PXN: variants seen among roughly 807,000 people sequenced by gnomAD.
PXN encodes paxillin.
A neutral mutation model predicts 103.6 loss-of-function variants in PXN; 61 were observed. The ratio of observed to expected loss-of-function variants is 0.59; its 90% confidence interval spans 0.48 to 0.73. PXN has a LOEUF of 0.73. Ranked by LOEUF, PXN falls within the 30% of genes least tolerant of loss-of-function variation. PXN has a pLI of 0.00. For synonymous variants in PXN, 562 were observed against 607.8 expected (o/e 0.92, Z 1.11); for missense variants, 1,274 against 1,460.3 (o/e 0.87, Z 2.08).
chr12:120,210,773 GT>G lies in PXN; in HGVS notation c.*1540del, dbSNP rs1464559950. The G allele has an allele frequency of 1.3e-5, 2 of 152,666 alleles. No individual in the cohort carries two copies. Among genetic ancestry groups the G allele is most frequent in the African/African-American group, 4.8e-5 (2 of 41,460 alleles). The allele number at this position is 152,666 out of a possible 1,614,324, so 9.5% of individuals were successfully genotyped here. On this transcript the variant is annotated 3_prime_UTR_variant, in exon 15 of 15. Transcript: ENST00000637617. ...GGAGGCCAGTGGAGTGGTTTGGACT[GT>G]CACCATTAGACCCCGGTGGGGCCCC... is the stretch of plus-strand genomic sequence containing the variant.
At position 120,217,161 on chromosome 12, in the gene PXN, TTGCACAACGC is replaced by T; in HGVS notation, c.1717-55_1717-46del. The T allele has an allele frequency of 6.9e-7, 1 of 1,459,458 alleles. No homozygotes were observed. Among genetic ancestry groups the T allele is most frequent in the Non-Finnish European group, 9.3e-7 (1 of 1,072,944 alleles). 90.4% of individuals were successfully genotyped at this position (1,459,458 alleles called of 1,614,324 possible). ...AGGCTGTCACCGTCCCACTCCCAGC[TTGCACAACGC>T]TGCTCAGGCCACACTCAGATGCCTC... On this transcript the variant is annotated intron_variant, in intron 7 of 14. Transcript: ENST00000637617. The surrounding 1 kb of genome is among the most constrained non-coding windows in gnomAD (Gnocchi z 4.1).
chr12:120,226,945 A>C, intron 1 of PXN: 2 of 990,912 alleles, frequency 2.0e-6, no homozygotes, highest in Non-Finnish European at 2.4e-6. Flanking sequence ...CTGCAGGAGG[A>C]AGCTCCATAG....
rs1176618108 is a variant in PXN, at chr12:120,265,454, G to T, written c.13+163C>A. Among the ~76,000 whole-genome samples, 3 of 151,962 alleles carry T rather than the reference G, an allele frequency of 2.0e-5. No individual in the cohort carries two copies. Among genetic ancestry groups the T allele is most frequent in the Non-Finnish European group, 4.4e-5 (3 of 67,934 alleles). The stretch of plus-strand genomic sequence containing the variant: ...CCGGCCTGGCCCGAGACTAAGGCCC[G>T]GTTAGGGATCCCAGCCCCGCGGAGC... On this transcript the variant is annotated intron_variant, in intron 1 of 14. Coordinates refer to ENST00000637617, the MANE Select transcript of PXN (RefSeq NM_001385981.1). The surrounding 1 kb of genome is among the most constrained non-coding windows in gnomAD (Gnocchi z 5.7).
chr12:120,254,739 C>T (rs1380161086), intron 1 of PXN, among the ~76,000 whole-genome samples: 2 of 151,818 alleles, frequency 1.3e-5, no homozygotes, highest in Admixed American at 6.6e-5. Context: ...TTAGTAGAGA[C>T]GGGGTTTCAC....
Position 120,221,524 on chromosome 12 carries a change from C to A in PXN, c.831+99G>T. ...CTGGCTCAGGGGCAAGGCACCCAAA[C>A]ACTGAGATGCCAAGATCCAGCTACC... On this transcript the variant is annotated intron_variant, in intron 6 of 14. Transcript: ENST00000637617. The surrounding 1 kb of genome is among the most constrained non-coding windows in gnomAD (Gnocchi z 6.6). The A allele has an allele frequency of 7.4e-7, 1 of 1,357,304 alleles. No homozygotes were observed. The highest frequency in any genetic ancestry group is 1.0e-6 in the Non-Finnish European group (1 of 1,004,358). 84.1% of individuals were successfully genotyped at this position (1,357,304 alleles called of 1,614,324 possible).
Position 120,220,072 on chromosome 12 carries a change from G to A in PXN, c.851C>T (p.Ala284Val). 1 of 1,320,942 alleles carries A rather than the reference G, an allele frequency of 7.6e-7. No individual in the cohort carries two copies. Among genetic ancestry groups the A allele is most frequent in the Non-Finnish European group, 1.0e-6 (1 of 966,408 alleles). 81.8% of individuals were successfully genotyped at this position (1,320,942 alleles called of 1,614,324 possible). A position where few individuals can be genotyped will look rare whatever the true frequency, so the allele number is the denominator to read the frequency against. Residue 284 changes from alanine to valine, a missense_variant, in exon 7 of 15, where the codon GCT (alanine) becomes GTT (valine). This residue lies in a region of PXN where 1,178 missense variants were observed against 1,309.0 expected (regional missense o/e 0.90). Coordinates refer to ENST00000637617, the MANE Select transcript of PXN (RefSeq NM_001385981.1). This position sits in a 1 kb window ranked among gnomAD's most constrained non-coding sequence, Gnocchi z 6.1. ...SDFKTSSSTVALSAPGLSSSA... is the reference protein window; with the variant it reads ...SDFKTSSSTVVLSAPGLSSSA... ...GCTGGACAGCCCCGGGGCACTCAGA[G>A]CCACAGTGGAGGAGCTGGTCTGGAG...
rs1182735765 is a variant in PXN at position 120,212,329 on chromosome 12, G to A, written c.3231C>T (p.Leu1077=). Residue 1077 remains leucine, a synonymous_variant, in exon 15 of 15, where the codon CTC becomes CTT. Coordinates refer to ENST00000637617, the MANE Select transcript of PXN (RefSeq NM_001385981.1). The surrounding 1 kb of genome is among the most constrained non-coding windows in gnomAD (Gnocchi z 7.2). ...NDKPYCQNCF[L]KLFC ...GGCAGGGCACCTAGCAGAAGAGCTT[G>A]AGGAAGCAGTTCTGACAGTAAGGCT... The A allele has an allele frequency of 1.2e-6, 2 of 1,613,524 alleles. No individual in the cohort carries two copies. The highest frequency in any genetic ancestry group is 1.7e-6 in the Non-Finnish European group (2 of 1,179,660).
In PXN at chr12:120,214,942, G is replaced by A. The variant is rs1294333347; in HGVS notation, c.2631C>T (p.Cys877=). ...WHPEHFVCTH[C]QEEIGSRNFF... The stretch of plus-strand genomic sequence containing the variant: ...AGTTCCGGGATCCGATCTCCTCCTG[G>A]CAGTGGGTGCAGACGAAGTGCTCGG... Residue 877 remains cysteine (C), a synonymous_variant, in exon 12 of 15, where the codon TGC becomes TGT. Transcript: ENST00000637617. The surrounding 1 kb of genome is among the most constrained non-coding windows in gnomAD (Gnocchi z 5.0). The A allele has an allele frequency of 2.5e-6, 4 of 1,614,000 alleles. No homozygotes were observed. Among genetic ancestry groups the A allele is most frequent in the Non-Finnish European group, 3.4e-6 (4 of 1,179,866 alleles).
At chr12:120,231,503 G>A (rs1888044346) in intron 1 of PXN, among the ~76,000 whole-genome samples, 1 of 152,126 alleles carries the variant, frequency 6.6e-6, no homozygotes, top group Admixed American at 6.5e-5. Context: ...TGTGGGCTGG[G>A]GGGTGACACA....
chr12:120,236,277 T>C (rs938779055), intron 1 of PXN, among the ~76,000 whole-genome samples: 1 of 152,222 alleles, frequency 6.6e-6, no homozygotes, highest in African/African-American at 2.4e-5. Context: ...TCACCAGTCC[T>C]TGGCTAATCA....
At chr12:120,248,367 C>A (rs1891530995) in intron 1 of PXN, among the ~76,000 whole-genome samples, 1 of 152,018 alleles carries the variant, frequency 6.6e-6, no homozygotes, top group Non-Finnish European at 1.5e-5. Flanking sequence ...CATTTTCAGT[C>A]CCTGATAACC....
At chr12:120,226,571 C>T (rs1175449716) in intron 1 of PXN, 1 of 1,201,836 alleles carries the variant, frequency 8.3e-7, no homozygotes, top group Non-Finnish European at 1.1e-6. Flanking sequence ...CGCTCCACCA[C>T]AATGTGATTC....
At position 120,213,948 on chromosome 12, in the gene PXN, T is replaced by C. The variant is rs1881438745; in HGVS notation, c.2873A>G (p.Tyr958Cys). 1.2e-6 allele frequency: 2 copies of C among 1,612,598 alleles called. No individual in the cohort carries two copies. The highest frequency in any genetic ancestry group is 1.7e-6 in the Non-Finnish European group (2 of 1,179,448). Residue 958 changes from tyrosine (Y) to cysteine (C), a missense_variant, in exon 14 of 15, where the codon TAC becomes TGC. By Grantham distance (194) the Tyr-to-Cys change is radical (BLOSUM62 -2). Around this residue, in one of 2 missense-constraint regions of PXN, gnomAD observed 1,178 missense variants for 1,309.0 expected, o/e 0.90. Coordinates refer to ENST00000637617, the MANE Select transcript of PXN (RefSeq NM_001385981.1). This position sits in a 1 kb window ranked among gnomAD's most constrained non-coding sequence, Gnocchi z 4.2. ...KDGKAYCRKD[Y>C]FDMFAPKCGG... The stretch of plus-strand genomic sequence containing the variant: ...ACACTTGGGTGCGAACATGTCGAAG[T>C]AGTCCTTGCGACAGTAGGCCTTGCC...
At chr12:120,251,642 C>T (rs556350721) in intron 1 of PXN, among the ~76,000 whole-genome samples, 3 of 152,032 alleles carry the variant, frequency 2.0e-5, no homozygotes, top group East Asian at 1.9e-4. Flanking sequence ...CATGGTGAAA[C>T]GCTGTCTCCA....
chr12:120,216,002 C>G lies in PXN; in HGVS notation c.2301+271G>C. ...TCCCTTCTGGAGTGGCTTCTTTCCT[C>G]GATGGGAGCCCGGGGCAGTACTGAG... is the stretch of plus-strand genomic sequence containing the variant. On this transcript the variant is annotated intron_variant, in intron 9 of 14. Transcript: ENST00000637617. This position sits in a 1 kb window ranked among gnomAD's most constrained non-coding sequence, Gnocchi z 5.1. 1 of 1,352,266 alleles carries G rather than the reference C, an allele frequency of 7.4e-7. No homozygotes were observed. Among genetic ancestry groups the G allele is most frequent in the East Asian group, 2.8e-5 (1 of 35,624 alleles). The allele number at this position is 1,352,266 out of a possible 1,614,324, so 83.8% of individuals were successfully genotyped here.
chr12:120,223,109 C>A, intron 3 of PXN, 110 bp from the exon 4 acceptor site: 1 of 1,555,788 alleles, frequency 6.4e-7, no homozygotes, highest in African/African-American at 1.4e-5. Context: ...GCGAAGTCTT[C>A]CCCCGCAAGA....
At position 120,224,191 on chromosome 12, in the gene PXN, T is replaced by C. The variant is rs771814884; in HGVS notation, c.200A>G (p.Asp67Gly). 6.2e-7 allele frequency: 1 copy of C among 1,607,366 alleles called. No individual in the cohort carries two copies. Among genetic ancestry groups the C allele is most frequent in the Admixed American group, 1.7e-5 (1 of 58,818 alleles). ...ALNGTILDPL[D>G]QWQPSSSRFI... ...TCGGGAGCTGCTGGGCTGCCACTGG[T>C]CTAAGGGGTCAAGGATTGTGCCATT... Residue 67 changes from aspartate to glycine, a missense_variant, in exon 2 of 15, where the codon GAC becomes GGC. Coordinates refer to ENST00000637617, the MANE Select transcript of PXN (RefSeq NM_001385981.1). This position sits in a 1 kb window ranked among gnomAD's most constrained non-coding sequence, Gnocchi z 5.0.
At chr12:120,226,328 G>T in intron 1 of PXN, 5 of 1,289,226 alleles carry the variant, frequency 3.9e-6, no homozygotes, top group Non-Finnish European at 4.0e-6. Flanking sequence ...CATCCTTGAA[G>T]GCCCACTGGG....
chr12:120,223,411 G>A (rs1338706588), intron 3 of PXN, among the ~76,000 whole-genome samples: 1 of 151,912 alleles, frequency 6.6e-6, no homozygotes, highest in Non-Finnish European at 1.5e-5. Context: ...TCCAGCCTGG[G>A]CGACAGAGTG....
Sources: allele counts gnomAD v4.1 joint callset (sites outside exome capture counted in the v4.1 genomes callset), GRCh38; gene constraint gnomAD v4.1.1; regional missense constraint gnomAD v4.1.1; non-coding constraint Gnocchi (gnomAD v3.1); transcripts MANE v1.5; gene names NCBI Gene and HGNC (gene_info 2026-07-23, HGNC 2026-07-21).